CPVL: variants seen among roughly 807,000 people sequenced by gnomAD.
CPVL encodes the protein carboxypeptidase vitellogenic like, also known as probable serine carboxypeptidase CPVL.
In CPVL, 51 loss-of-function variants were observed where a neutral mutation model predicts 63.7. The ratio of observed to expected loss-of-function variants is 0.80; its 90% CI spans 0.64 to 1.01. The LOEUF is 1.01. Among genes scored for constraint, CPVL ranks in the 50% least tolerant of loss-of-function variants. The pLI, the probability that CPVL is intolerant of heterozygous loss-of-function variation, is 0.00. For missense variants in CPVL, 530 were observed against 573.1 expected, an observed-to-expected ratio of 0.92 and a Z score of 0.77; for synonymous variants, 195 against 206.0, an observed-to-expected ratio of 0.95 and a Z score of 0.46.
At chr7:29,094,991 GAA>G in intron 5 of CPVL, 91 bp downstream of exon 5, 1 of 900,354 alleles carries the variant, frequency 1.1e-6, no homozygotes, top group South Asian at 1.6e-5. Flanking sequence ...AAGGAAAAAC[GAA>G]ATCTATTTTT....
rs750847419 is a variant in CPVL at position 29,096,152 on chromosome 7, A to C, written c.354T>G (p.Phe118Leu). ...LQGGPGGSSM[F>L]GLFVEHGPYV... ...AAGGCCCATGTTCCACAAAGAGTCC[A>C]AACATGGATGAACCTCCCGGCCCAC... is the stretch of plus-strand genomic sequence containing the variant. Residue 118 changes from phenylalanine to leucine, a missense_variant, in exon 4 of 13, where the codon TTT (phenylalanine) becomes TTG (leucine). Coordinates refer to ENST00000265394, the MANE Select transcript of CPVL (RefSeq NM_031311.5). 6.2e-7 allele frequency: 1 copy of C among 1,614,232 alleles called. No homozygotes were observed. The highest frequency in any genetic ancestry group is 8.5e-7 in the Non-Finnish European group (1 of 1,180,034).
chr7:29,103,323 G>A (rs974793806), intron 3 of CPVL, among the ~76,000 whole-genome samples: 1 of 146,048 alleles, frequency 6.8e-6, no homozygotes, highest in Non-Finnish European at 1.5e-5. Context: ...TCAGTTCACT[G>A]CAACCTCCAC....
At chr7:29,160,114 C>T (rs1404115570) in intron 5 of CPVL, among the ~76,000 whole-genome samples, 1 of 152,138 alleles carries the variant, frequency 6.6e-6, no homozygotes, top group Non-Finnish European at 1.5e-5. Flanking sequence ...AGCTCACTTT[C>T]CTAAGATCAA....
chr7:29,020,064 C>T (rs1207458199), intron 12 of CPVL, among the ~76,000 whole-genome samples: 1 of 152,150 alleles, frequency 6.6e-6, no homozygotes, highest in African/African-American at 2.4e-5. Flanking sequence ...GCGGCCAATT[C>T]CTTTTACCAC....
rs1397327997 is a variant in CPVL, at chr7:29,093,372, G to A, written c.463-670C>T. Among the ~76,000 whole-genome samples the A allele has an allele frequency of 4.8e-5, 5 of 105,092 alleles. No individual in the cohort carries two copies. The East Asian group carries it at 1.3e-3, about 26-fold the overall frequency. The allele number at this position is 105,092 out of a possible 152,430, so 68.9% of individuals were successfully genotyped here. A position where few individuals can be genotyped will look rare whatever the true frequency, so the allele number is the denominator to read the frequency against. ...AGCCTGGGTGACCAAGCGAGACTCC[G>A]TCTCCAAAAAAAAAAAAAAAAAAAA... On this transcript the variant is annotated intron_variant, in intron 5 of 12. Transcript: ENST00000265394.
In CPVL at chr7:29,137,117, G is replaced by A. The variant is rs546975564; in HGVS notation, c.-11+9312C>T. Among the ~76,000 whole-genome samples the A allele has an allele frequency of 2.1e-3, 320 of 152,278 alleles. 1 individual carries two copies. Among genetic ancestry groups the A allele is most frequent in the South Asian group, 7.5e-3 (36 of 4,824 alleles). ...CTCATGTGCTGCTGTCTCTCCTATT[G>A]AGGTGGCATCACTGTCTGGGGTAAA... On this transcript the variant is annotated intron_variant, in intron 1 of 12. Transcript: ENST00000265394.
intron 1 of CPVL, chr7:29,194,584 C>T: frequency 4.5e-6 from 1 of 221,520 alleles, no homozygotes; most frequent in Non-Finnish European, 8.8e-6. Context: ...GCCAGGACGC[C>T]CTGGTCCCAG....
At chr7:29,142,969 C>G (rs1266343041) in intron 1 of CPVL, among the ~76,000 whole-genome samples, 1 of 152,106 alleles carries the variant, frequency 6.6e-6, no homozygotes, top group East Asian at 1.9e-4. Context: ...TTACTTGCCC[C>G]GAGACATTTA....
chr7:29,151,310 C>T (rs963218594), upstream of CPVL, among the ~76,000 whole-genome samples: 6 of 152,284 alleles, frequency 3.9e-5, no homozygotes, highest in South Asian at 1.0e-3. Flanking sequence ...AATTAATCTA[C>T]GTCTTTTGTA....
intron 7 of CPVL, among the ~76,000 whole-genome samples, chr7:29,075,584 G>A (rs1051015613): frequency 8.7e-5 from 13 of 149,638 alleles, no homozygotes; most frequent in African/African-American, 3.2e-4. Flanking sequence ...CGGGTCTGAG[G>A]TCCCCCAAGG....
intron 11 of CPVL, among the ~76,000 whole-genome samples, chr7:29,040,320 G>A (rs1421664557): frequency 2.0e-5 from 3 of 152,148 alleles, no homozygotes; most frequent in African/African-American, 7.2e-5. Context: ...ATTCCCATGG[G>A]TTTCCCAAAA....
intron 5 of CPVL, among the ~76,000 whole-genome samples, chr7:29,177,767 A>G (rs1399447735): frequency 6.6e-6 from 1 of 151,802 alleles, no homozygotes; most frequent in Non-Finnish European, 1.5e-5. Flanking sequence ...ACACCTACCC[A>G]TCTCATTATG....
rs371684286 is a variant in CPVL at position 29,092,279 on chromosome 7, TA to T, written c.542+343del. ...TTTTCAGCCTGGAAAAGTCATGAAATAGAAGCAAAAAGTAAAAAATTGCATC... is the reference window on the plus strand; with the variant it reads ...TTTTCAGCCTGGAAAAGTCATGAAATGAAGCAAAAAGTAAAAAATTGCATC... On this transcript the variant is annotated intron_variant, in intron 6 of 12. Coordinates refer to ENST00000265394, the MANE Select transcript of CPVL (RefSeq NM_031311.5). Among the ~76,000 whole-genome samples, 380 of 149,346 alleles carry T rather than the reference TA, an allele frequency of 2.5e-3. 5 individuals carry two copies. The highest frequency in any genetic ancestry group is 0.01 in the Middle Eastern group (3 of 292).
chr7:29,066,951 T>C (rs556633716), intron 9 of CPVL, among the ~76,000 whole-genome samples: 1 of 152,266 alleles, frequency 6.6e-6, no homozygotes, highest in Admixed American at 6.5e-5. Context: ...ATGTATGGAA[T>C]GACTGACCCT....
chr7:28,998,623 T>C (rs1020764593), intron 12 of CPVL, among the ~76,000 whole-genome samples: 48 of 152,306 alleles, frequency 3.2e-4, no homozygotes, highest in African/African-American at 1.0e-3. Flanking sequence ...TCAGTAAATA[T>C]TGGTCATTTT....
At chr7:29,031,916 A>G (rs940772628) in intron 11 of CPVL, among the ~76,000 whole-genome samples, 1 of 152,204 alleles carries the variant, frequency 6.6e-6, no homozygotes, top group East Asian at 1.9e-4. Flanking sequence ...ATCAATGTAC[A>G]TATTCACATA....
At chr7:29,149,990 C>T (rs1278891442), upstream of CPVL, among the ~76,000 whole-genome samples, 1 of 152,184 alleles carries the variant, frequency 6.6e-6, no homozygotes, top group Non-Finnish European at 1.5e-5. Flanking sequence ...ATATTTTTAG[C>T]CCTTCTCTTG....
chr7:29,052,317 GAAA>G (rs557133039), intron 11 of CPVL, among the ~76,000 whole-genome samples: 1 of 141,298 alleles, frequency 7.1e-6, no homozygotes, highest in Admixed American at 7.2e-5. Context: ...AATAGAGACA[GAAA>G]AAAAAAAGTA....
intron 11 of CPVL, among the ~76,000 whole-genome samples, chr7:29,052,940 A>T (rs935788648): frequency 6.6e-6 from 1 of 152,040 alleles, no homozygotes; most frequent in Admixed American, 6.6e-5. Flanking sequence ...AACTCTTAAC[A>T]CCTCAATAAT....
Sources: gnomAD v4.1 joint callset for allele counts (sites outside exome capture counted in the v4.1 genomes callset) on GRCh38, gnomAD v4.1.1 for gene constraint, MANE v1.5 for transcripts, NCBI Gene and HGNC (gene_info 2026-07-23, HGNC 2026-07-21) for gene names.